KCNQ1: variants seen among roughly 807,000 people sequenced by gnomAD.
The protein encoded by KCNQ1 is potassium voltage-gated channel subfamily KQT member 1.
In KCNQ1, 49 loss-of-function variants were observed where a neutral mutation model predicts 72.4. That is an observed-to-expected ratio of 0.68 (90% CI 0.54 to 0.86). The LOEUF (loss-of-function observed/expected upper bound fraction) is 0.86, where lower values mean the gene tolerates loss of function less well. KCNQ1 is among the 40% of genes least tolerant of loss of function. KCNQ1 has a pLI of 0.00. For synonymous variants in KCNQ1, 450 were observed against 412.6 expected (o/e 1.09, Z -1.10); for missense variants, 790 against 945.1 (o/e 0.84, Z 2.15).
chr11:2,538,629 A>G lies in KCNQ1; in HGVS notation c.477+10611A>G, dbSNP rs1260368424. Among the ~76,000 whole-genome samples the G allele has an allele frequency of 6.6e-6, 1 of 151,982 alleles. No individual in the cohort carries two copies. Among genetic ancestry groups the G allele is most frequent in the East Asian group, 1.9e-4 (1 of 5,140 alleles). ...TGGAACCGGAACGTTCCCCGAGTAC[A>G]TAGGAATCCTGGGCTGGAACCGGAA... On this transcript the variant is annotated intron_variant, in intron 2 of 15. Coordinates refer to ENST00000155840, the MANE Select transcript of KCNQ1 (RefSeq NM_000218.3). The surrounding 1 kb of genome is among the most constrained non-coding windows in gnomAD (Gnocchi z 6.7).
chr11:2,660,166 A>G, intron 10 of KCNQ1: 1 of 398,174 alleles, frequency 2.5e-6, no homozygotes. Flanking sequence ...AAGATATTTT[A>G]TGGTTTTATG....
At chr11:2,587,144 G>A (rs796066647) in intron 8 of KCNQ1, among the ~76,000 whole-genome samples, 82 of 152,260 alleles carry the variant, frequency 5.4e-4, no homozygotes, top group African/African-American at 1.9e-3. Flanking sequence ...GGTCCTGGGC[G>A]ACCCCTCTTT....
chr11:2,594,242 ACT>A (rs1366923453), intron 10 of KCNQ1, among the ~76,000 whole-genome samples: 1 of 151,946 alleles, frequency 6.6e-6, no homozygotes, highest in Non-Finnish European at 1.5e-5. Context: ...TTGTCTGAAG[ACT>A]CTGGAGCTGT....
At position 2,588,975 on chromosome 11, in the gene KCNQ1, C is replaced by A; in HGVS notation, c.1393+121C>A. The A allele has an allele frequency of 8.4e-7, 1 of 1,194,848 alleles. No homozygotes were observed. The highest frequency in any genetic ancestry group is 1.2e-6 in the Non-Finnish European group (1 of 835,362). 74.0% of individuals were successfully genotyped at this position (1,194,848 alleles called of 1,614,324 possible). A position where few individuals can be genotyped will look rare whatever the true frequency, so the allele number is the denominator to read the frequency against. On this transcript the variant is annotated intron_variant, in intron 10 of 15. Transcript: ENST00000155840. This position sits in a 1 kb window ranked among gnomAD's most constrained non-coding sequence, Gnocchi z 5.6. ...GTGGTCTCTGACAACGAGGTATGAA[C>A]AGACAGAGGGTGGAGCTTCTAGAAA...
chr11:2,445,449 C>T lies in KCNQ1; in HGVS notation c.351C>T (p.Pro117=), dbSNP rs764872490. The T allele has an allele frequency of 1.0e-5, 16 of 1,597,050 alleles. No homozygotes were observed. In the African/African-American group the frequency reaches 1.1e-4, roughly 11 times the overall value. ...QGRVYNFLER[P]TGWKCFVYHF... is the part of the protein sequence containing the mutation. ...GCGTCTACAACTTCCTCGAGCGTCC[C>T]ACCGGCTGGAAATGCTTCGTTTACC... The change falls in exon 1 of 16, where the codon CCC becomes CCT. Residue 117 remains proline (P), a synonymous_variant. Coordinates refer to ENST00000155840, the MANE Select transcript of KCNQ1 (RefSeq NM_000218.3).
At chr11:2,504,021 C>T (rs951560038) in intron 1 of KCNQ1, among the ~76,000 whole-genome samples, 11 of 152,274 alleles carry the variant, frequency 7.2e-5, no homozygotes, top group Middle Eastern at 3.4e-3. Flanking sequence ...GAGAAGGATC[C>T]GCACTCCTGT....
rs962128443 is a variant in KCNQ1 at position 2,816,750 on chromosome 11, C to T, written c.1795-31017C>T. On this transcript the variant is annotated intron_variant, in intron 15 of 15. Transcript: ENST00000155840. The surrounding 1 kb of genome is among the most constrained non-coding windows in gnomAD (Gnocchi z 6.8). ...CCCTGGCTGGACTCCCTGCACTGAA[C>T]GCTCCTCCCAGCTCATGCTTTCCAA... Among the ~76,000 whole-genome samples, 10 of 152,084 alleles carry T rather than the reference C, an allele frequency of 6.6e-5. No individual in the cohort carries two copies. The highest frequency in any genetic ancestry group is 1.7e-4 in the African/African-American group (7 of 41,422).
At chr11:2,753,822 G>A (rs889872659) in intron 11 of KCNQ1, among the ~76,000 whole-genome samples, 5 of 152,126 alleles carry the variant, frequency 3.3e-5, no homozygotes, top group African/African-American at 1.2e-4. Context: ...AAACTTCCCA[G>A]CTTCCCTCTA....
intron 7 of KCNQ1, among the ~76,000 whole-genome samples, chr11:2,584,331 TTG>T (rs1848552827): frequency 6.6e-6 from 1 of 152,110 alleles, no homozygotes; most frequent in African/African-American, 2.4e-5. Flanking sequence ...GTGTTAGTGT[TTG>T]TGTGTTAGTG....
chr11:2,489,593 G>T (rs1392529964), intron 1 of KCNQ1, among the ~76,000 whole-genome samples: 1 of 152,216 alleles, frequency 6.6e-6, no homozygotes, highest in African/African-American at 2.4e-5. Flanking sequence ...AGGCAGCACA[G>T]CTCACAGAAA....
intron 15 of KCNQ1, among the ~76,000 whole-genome samples, chr11:2,792,102 A>G (rs1457123353): frequency 1.3e-5 from 2 of 151,956 alleles, no homozygotes; most frequent in Non-Finnish European, 2.9e-5. Context: ...CGGCGCTTCC[A>G]TTCATGCCTT....
rs1353910599 is a variant in KCNQ1 at position 2,544,258 on chromosome 11, ATG to A, written c.477+16252_477+16253del. Among the ~76,000 whole-genome samples, 4 of 86,628 alleles carry A rather than the reference ATG, an allele frequency of 4.6e-5. No homozygotes were observed. The highest frequency in any genetic ancestry group is 1.3e-4 in the African/African-American group (2 of 14,866). 56.8% of individuals were successfully genotyped at this position (86,628 alleles called of 152,430 possible). A position where few individuals can be genotyped will look rare whatever the true frequency, so the allele number is the denominator to read the frequency against. On this transcript the variant is annotated intron_variant, in intron 2 of 15. Coordinates refer to ENST00000155840, the MANE Select transcript of KCNQ1 (RefSeq NM_000218.3). This position sits in a 1 kb window ranked among gnomAD's most constrained non-coding sequence, Gnocchi z 4.4. ...TATATGTGTGTGTGTGTATATATAT[ATG>A]TGTGTGTGTGTATATATATGTGTAT...
At chr11:2,575,369 C>A (rs1472189230) in intron 6 of KCNQ1, among the ~76,000 whole-genome samples, 1 of 152,132 alleles carries the variant, frequency 6.6e-6, no homozygotes, top group Non-Finnish European at 1.5e-5. Flanking sequence ...CGCCCTGGGC[C>A]CCCCACCGCC....
In KCNQ1 at chr11:2,463,738, G is replaced by A. The variant is rs1226402636; in HGVS notation, c.386+18254G>A. ...TGTGAACCCTGAGTTTGTGCAACTC[G>A]AGTTTCAGAGTGGCGGCCTCTGCTC... On this transcript the variant is annotated intron_variant, in intron 1 of 15. Transcript: ENST00000155840. This position sits in a 1 kb window ranked among gnomAD's most constrained non-coding sequence, Gnocchi z 7.0. 1.3e-5 allele frequency among the ~76,000 whole-genome samples: 2 copies of A among 152,250 alleles called. No individual in the cohort carries two copies. The highest frequency in any genetic ancestry group is 2.1e-4 in the South Asian group (1 of 4,834).
rs1321649662 is a variant in KCNQ1 at position 2,620,902 on chromosome 11, C to T, written c.1393+32048C>T. ...TGCCATTCTGACTGGTGTGAGATGG[C>T]ATCCCATTATGGTTTGGTGTTTTTT... On this transcript the variant is annotated intron_variant, in intron 10 of 15. Transcript: ENST00000155840. This position sits in a 1 kb window ranked among gnomAD's most constrained non-coding sequence, Gnocchi z 4.5. 7.6e-6 allele frequency: 3 copies of T among 396,934 alleles called. No individual in the cohort carries two copies. The highest frequency in any genetic ancestry group is 1.3e-5 in the Non-Finnish European group (3 of 225,796). 24.6% of individuals were successfully genotyped at this position (396,934 alleles called of 1,614,324 possible).
intron 11 of KCNQ1, chr11:2,697,734 T>C: frequency 2.5e-6 from 1 of 398,630 alleles, no homozygotes; most frequent in Non-Finnish European, 4.4e-6. Context: ...TGTTTAAGAA[T>C]TGTTGTTTAA....
chr11:2,553,712 T>G (rs1192610852), intron 2 of KCNQ1, among the ~76,000 whole-genome samples: 5 of 151,908 alleles, frequency 3.3e-5, no homozygotes, highest in Non-Finnish European at 5.9e-5. Context: ...ATTTGTACTT[T>G]TTTAAATTTT....
chr11:2,838,999 G>C (rs1052619497), intron 15 of KCNQ1, among the ~76,000 whole-genome samples: 1 of 141,314 alleles, frequency 7.1e-6, no homozygotes, highest in African/African-American at 2.8e-5. Context: ...AGCCCTGCCC[G>C]GGGTTGCACT....
At position 2,457,879 on chromosome 11, in the gene KCNQ1, A is replaced by G. The variant is rs1846219629; in HGVS notation, c.386+12395A>G. On this transcript the variant is annotated intron_variant, in intron 1 of 15. Coordinates refer to ENST00000155840, the MANE Select transcript of KCNQ1 (RefSeq NM_000218.3). The surrounding 1 kb of genome is among the most constrained non-coding windows in gnomAD (Gnocchi z 5.0). ...CAAAAATCCTCCATCCCTGCATTTG[A>G]ATGAGGACTATCAGTATGCATCCAG... Among the ~76,000 whole-genome samples, 6 of 151,958 alleles carry G rather than the reference A, an allele frequency of 3.9e-5. No individual in the cohort carries two copies. In the South Asian group the frequency reaches 1.2e-3, roughly 32 times the overall value.
Sources: allele counts gnomAD v4.1 joint callset (sites outside exome capture counted in the v4.1 genomes callset), GRCh38; gene constraint gnomAD v4.1.1; non-coding constraint Gnocchi (gnomAD v3.1); transcripts MANE v1.5; gene names NCBI Gene and HGNC (gene_info 2026-07-23, HGNC 2026-07-21).